Variants in NMU observed in about 807,000 individuals in gnomAD.
The protein encoded by NMU is neuromedin-U.
Under a neutral mutation model 35.4 loss-of-function variants are expected in NMU, and 29 were observed. That is an observed-to-expected ratio of 0.82 (90% CI 0.61 to 1.12). The LOEUF (loss-of-function observed/expected upper bound fraction) is 1.12. Ranked by LOEUF, NMU falls within the 50% of genes most tolerant of loss-of-function variation. The probability of loss-of-function intolerance (pLI) is 0.00; values close to 1 mark genes in which losing one functional copy is unlikely to be tolerated. For synonymous variants in NMU, 78 were observed against 81.3 expected (o/e 0.96, Z 0.22); for missense variants, 199 against 206.2 (o/e 0.97, Z 0.21).
intron 1 of NMU, among the ~76,000 whole-genome samples, chr4:55,635,445 T>TATGTGATGAAA (rs1715857135): frequency 6.6e-6 from 1 of 152,192 alleles, no homozygotes; most frequent in Non-Finnish European, 1.5e-5. Context: ...CTTGCACACT[T>TATGTGATGAAA]GCCTCTCCGA....
intron 7 of NMU, 76 bp downstream of exon 7, chr4:55,605,199 T>C (rs1733629170): frequency 2.1e-6 from 2 of 963,360 alleles, no homozygotes; most frequent in Non-Finnish European, 3.4e-6. Flanking sequence ...TTTGATGAAC[T>C]ACCACAGCTG....
At chr4:55,631,556 T>C (rs1028430749) in intron 1 of NMU, among the ~76,000 whole-genome samples, 3 of 151,898 alleles carry the variant, frequency 2.0e-5, no homozygotes, top group Admixed American at 1.3e-4. Flanking sequence ...CCAACAAACA[T>C]ATGAAAAAAA....
chr4:55,600,860 A>T (rs547878930), intron 7 of NMU, among the ~76,000 whole-genome samples: 1 of 152,264 alleles, frequency 6.6e-6, no homozygotes, highest in South Asian at 2.1e-4. Context: ...GTAGAAAGAG[A>T]AATGACAGAC....
At chr4:55,631,004 A>G (rs1426851638) in intron 1 of NMU, among the ~76,000 whole-genome samples, 1 of 152,228 alleles carries the variant, frequency 6.6e-6, no homozygotes, top group African/African-American at 2.4e-5. Context: ...GGAAAAGAAT[A>G]GAGAACAAAG....
chr4:55,625,571 A>C (rs1734492912), intron 2 of NMU, among the ~76,000 whole-genome samples: 1 of 152,080 alleles, frequency 6.6e-6, no homozygotes, highest in Non-Finnish European at 1.5e-5. Flanking sequence ...GTTGCGGGTG[A>C]CCTAGGTACA....
intron 2 of NMU, among the ~76,000 whole-genome samples, chr4:55,626,096 G>A (rs1462696580): frequency 6.6e-6 from 1 of 152,098 alleles, no homozygotes; most frequent in African/African-American, 2.4e-5. Context: ...TTGGCAGTCT[G>A]CCCAGCAATG....
intron 3 of NMU, among the ~76,000 whole-genome samples, chr4:55,613,790 C>A (rs1734020950): frequency 6.6e-6 from 1 of 152,080 alleles, no homozygotes; most frequent in South Asian, 2.1e-4. Context: ...AACCCAGCAA[C>A]CATGTGAAAA....
At chr4:55,604,096 C>T (rs1210331471) in intron 7 of NMU, among the ~76,000 whole-genome samples, 4 of 115,766 alleles carry the variant, frequency 3.5e-5, no homozygotes, top group African/African-American at 1.3e-4. Flanking sequence ...GACAGAGTCT[C>T]GCGCTGTCAC....
intron 7 of NMU, among the ~76,000 whole-genome samples, chr4:55,602,623 T>C (rs908677839): frequency 1.3e-5 from 2 of 152,224 alleles, no homozygotes; most frequent in Non-Finnish European, 2.9e-5. Flanking sequence ...AATTGTTTAC[T>C]AATTCATAAC....
In NMU at chr4:55,618,674, CCTTT is replaced by C. The variant is rs533864547; in HGVS notation, c.172-2293_172-2290del. Among the ~76,000 whole-genome samples, 129 of 142,096 alleles carry C rather than the reference CCTTT, an allele frequency of 9.1e-4. 1 individual carries two copies. The highest frequency in any genetic ancestry group is 3.2e-3 in the African/African-American group (118 of 37,212). 93.2% of individuals were successfully genotyped at this position (142,096 alleles called of 152,430 possible). A position where few individuals can be genotyped will look rare whatever the true frequency, so the allele number is the denominator to read the frequency against. On this transcript the variant is annotated intron_variant, in intron 2 of 9. Transcript: ENST00000264218. Reference sequence around the variant, plus strand: ...CTTTCTCATCTTTCTTCTCTCTCTTCCTTTCTTCTCTCTTTCTTCTCTCTCTTCT... The same window carrying C: ...CTTTCTCATCTTTCTTCTCTCTCTTCCTTCTCTCTTTCTTCTCTCTCTTCT...
intron 2 of NMU, among the ~76,000 whole-genome samples, chr4:55,617,158 A>G (rs902904831): frequency 6.6e-5 from 10 of 152,158 alleles, no homozygotes; most frequent in Non-Finnish European, 1.0e-4. Context: ...AGTCCTATTC[A>G]TGGTATTCCA....
chr4:55,626,936 A>G (rs1242671230), intron 2 of NMU, among the ~76,000 whole-genome samples: 2 of 152,184 alleles, frequency 1.3e-5, no homozygotes, highest in South Asian at 2.1e-4. Context: ...TACTAACTCT[A>G]TAATTTACCT....
chr4:55,628,645 C>T (rs911814444), intron 2 of NMU, among the ~76,000 whole-genome samples: 4 of 151,592 alleles, frequency 2.6e-5, no homozygotes, highest in African/African-American at 9.7e-5. Flanking sequence ...ATTACAGGCA[C>T]CATGCCCGGA....
In NMU at chr4:55,634,888, T is replaced by TCA. The variant is rs1396670477; in HGVS notation, c.112+1192_112+1193insTG. On this transcript the variant is annotated intron_variant, in intron 1 of 9. Transcript: ENST00000264218. Reference sequence around the variant, plus strand: ...GAGTCTCTCTTTCTGTCTCTCTCTCTCTCACACACACACCCCCCTCCAATG... The same window carrying TCA: ...GAGTCTCTCTTTCTGTCTCTCTCTCTCACTCACACACACACCCCCCTCCAATG... 6.0e-5 allele frequency among the ~76,000 whole-genome samples: 9 copies of TCA among 150,424 alleles called. No homozygotes were observed. The East Asian group carries it at 7.8e-4, about 13-fold the overall frequency.
intron 8 of NMU, among the ~76,000 whole-genome samples, chr4:55,599,623 C>T (rs1033652391): frequency 5.9e-5 from 9 of 152,100 alleles, no homozygotes; most frequent in African/African-American, 2.2e-4. Context: ...TTCCAAAAGG[C>T]AAATCTTACC....
intron 7 of NMU, among the ~76,000 whole-genome samples, chr4:55,603,588 T>A (rs888232592): frequency 6.6e-6 from 1 of 151,852 alleles, no homozygotes; most frequent in African/African-American, 2.4e-5. Context: ...AAAATTATAA[T>A]GTATTACAGC....
intron 2 of NMU, among the ~76,000 whole-genome samples, chr4:55,625,055 T>G (rs1251537422): frequency 1.4e-4 from 15 of 104,070 alleles, no homozygotes; most frequent in African/African-American, 4.1e-4. Context: ...CATTGGGAGA[T>G]ATACCTAATG....
At position 55,609,053 on chromosome 4, in the gene NMU, CCA is replaced by C. The variant is rs1474510485; in HGVS notation, c.279+65_279+66del. 5.2e-4 allele frequency: 693 copies of C among 1,341,104 alleles called. 2 individuals are homozygous for C. The highest frequency in any genetic ancestry group is 2.0e-4 in the South Asian group (17 of 85,504). The allele number at this position is 1,341,104 out of a possible 1,614,324, so 83.1% of individuals were successfully genotyped here. Reference sequence around the variant, plus strand: ...CTTCCTAAATTGGGCATATTTTCTTCCAGGAGAAATTCCAAGAAATTTTTGGA... The same window carrying C: ...CTTCCTAAATTGGGCATATTTTCTTCGGAGAAATTCCAAGAAATTTTTGGA... On this transcript the variant is annotated intron_variant, in intron 4 of 9. Coordinates refer to ENST00000264218, the MANE Select transcript of NMU (RefSeq NM_006681.4).
upstream of NMU, chr4:55,636,356 G>T: frequency 3.7e-6 from 4 of 1,084,578 alleles, no homozygotes; most frequent in South Asian, 2.5e-5. The surrounding 1 kb of genome is among the most constrained non-coding windows in gnomAD (Gnocchi z 4.0). Context: ...TGGGCTGCGC[G>T]GTCCCCGCCG....
Sources: allele counts gnomAD v4.1 joint callset (sites outside exome capture counted in the v4.1 genomes callset), GRCh38; gene constraint gnomAD v4.1.1; non-coding constraint Gnocchi (gnomAD v3.1); transcripts MANE v1.5; gene names NCBI Gene and HGNC (gene_info 2026-07-23, HGNC 2026-07-21).